Variants in CAND2 observed in about 807,000 individuals in gnomAD.
CAND2 encodes the protein cullin-associated NEDD8-dissociated protein 2.
Under a neutral mutation model 98.9 loss-of-function variants are expected in CAND2, and 62 were observed. That is an observed-to-expected ratio of 0.63 (90% CI 0.51 to 0.77). CAND2 has a LOEUF of 0.77. Among genes scored for constraint, CAND2 ranks in the 30% least tolerant of loss-of-function variants. The pLI is 0.00. For synonymous variants in CAND2, 770 were observed against 731.9 expected (o/e 1.05, Z -0.84); for missense variants, 1,501 against 1,655.2 (o/e 0.91, Z 1.62).
intron 2 of CAND2, among the ~76,000 whole-genome samples, 194 bp downstream of exon 2, chr3:12,803,825 C>T (rs2061785064): frequency 6.6e-6 from 1 of 152,042 alleles, no homozygotes; most frequent in Admixed American, 6.5e-5. Context: ...TTGGGAGGCG[C>T]TCCCAGGAAA....
At chr3:12,799,747 G>C (rs1391179308) in intron 1 of CAND2, among the ~76,000 whole-genome samples, 2 of 152,202 alleles carry the variant, frequency 1.3e-5, no homozygotes, top group African/African-American at 4.8e-5. Flanking sequence ...CTGGTGGCCA[G>C]ACTTGTATTG....
At position 12,810,333 on chromosome 3, in the gene CAND2, G is replaced by A. The variant is rs1458693469; in HGVS notation, c.757+9G>A. The A allele has an allele frequency of 7.0e-7, 1 of 1,438,184 alleles. No homozygotes were observed. The highest frequency in any genetic ancestry group is 9.1e-7 in the Non-Finnish European group (1 of 1,096,976). The allele number at this position is 1,438,184 out of a possible 1,614,324, so 89.1% of individuals were successfully genotyped here. A position where few individuals can be genotyped will look rare whatever the true frequency, so the allele number is the denominator to read the frequency against. On this transcript the variant is annotated intron_variant, in intron 5 of 14. Coordinates refer to ENST00000456430, the MANE Select transcript of CAND2 (RefSeq NM_001162499.2). Reference sequence around the variant, plus strand: ...GGCCGGCCACCGCCTCGGTAAGGGGGCAGGGGGCGGGGCCTGGGCTGGCAT... The same window carrying A: ...GGCCGGCCACCGCCTCGGTAAGGGGACAGGGGGCGGGGCCTGGGCTGGCAT...
Position 12,816,430 on chromosome 3 carries a change from C to G in CAND2, c.1498C>G (p.Leu500Val). 6.2e-7 allele frequency: 1 copy of G among 1,613,922 alleles called. No homozygotes were observed. The highest frequency in any genetic ancestry group is 8.5e-7 in the Non-Finnish European group (1 of 1,179,998). ...SSSSTIRMDA[L>V]AFLQGLLGTE... Reference sequence around the variant, plus strand: ...CTCCTCCACCATCCGGATGGATGCCCTGGCCTTCTTGCAGGGGCTGCTGGG... The same window carrying G: ...CTCCTCCACCATCCGGATGGATGCCGTGGCCTTCTTGCAGGGGCTGCTGGG... Residue 500 changes from leucine to valine, a missense_variant, in exon 10 of 15, where the codon CTG becomes GTG. By Grantham distance (32) the Leu-to-Val change is conservative (BLOSUM62 1). Coordinates refer to ENST00000456430, the MANE Select transcript of CAND2 (RefSeq NM_001162499.2).
chr3:12,803,309 A>T (rs1311921112), intron 1 of CAND2, among the ~76,000 whole-genome samples, 179 bp from the exon 2 acceptor site: 1 of 152,118 alleles, frequency 6.6e-6, no homozygotes, highest in Non-Finnish European at 1.5e-5. Context: ...TTATAATCTT[A>T]TGGGACAACC....
At chr3:12,827,719 G>C (rs1343851095) in intron 13 of CAND2, 115 bp downstream of exon 13, 1 of 1,001,130 alleles carries the variant, frequency 1.0e-6, no homozygotes, top group African/African-American at 1.6e-5. Flanking sequence ...AATGAAAATA[G>C]CTGCATTGTT....
Position 12,819,168 on chromosome 3 carries a change from G to T in CAND2, c.2945-918G>T, listed in dbSNP as rs567818651. ...AGTTCACTTAATCTTACTCTCTTGT[G>T]CCTGTCTTCATCAGCCACCCTAAAT... On this transcript the variant is annotated intron_variant, in intron 10 of 14. Transcript: ENST00000456430. Among the ~76,000 whole-genome samples, 54 of 152,348 alleles carry T rather than the reference G, an allele frequency of 3.5e-4. No homozygotes were observed. The East Asian group carries it at 0.01, about 28-fold the overall frequency.
rs1284181124 is a variant in CAND2 at position 12,833,766 on chromosome 3, T to G, written c.3495T>G (p.Gly1165=). 6.2e-7 allele frequency: 1 copy of G among 1,613,844 alleles called. No individual in the cohort carries two copies. The highest frequency in any genetic ancestry group is 2.2e-5 in the East Asian group (1 of 44,878). ...RATCTAKVKA[G]SVKQEFEKQD... is the part of the protein sequence containing the mutation. ...GTTTCCTACTTTAGGTCAAAGCTGG[T>G]TCTGTGAAGCAGGAGTTTGAAAAGC... The change falls in exon 15 of 15, where the codon GGT becomes GGG. Residue 1165 remains glycine, a synonymous_variant. Transcript: ENST00000456430.
At position 12,831,641 on chromosome 3, in the gene CAND2, TA is replaced by T; in HGVS notation, c.3483+70del. ...TGGAGTCCTCGGCCAGTCGTTCAGT[TA>T]CCCTTACTGAGCACTTCCTGCAGTG... On this transcript the variant is annotated intron_variant, in intron 14 of 14. Coordinates refer to ENST00000456430, the MANE Select transcript of CAND2 (RefSeq NM_001162499.2). 3.1e-6 allele frequency: 3 copies of T among 967,538 alleles called. No homozygotes were observed. The East Asian group carries it at 7.5e-5, about 24-fold the overall frequency. 59.9% of individuals were successfully genotyped at this position (967,538 alleles called of 1,614,324 possible). A position where few individuals can be genotyped will look rare whatever the true frequency, so the allele number is the denominator to read the frequency against.
In CAND2 at chr3:12,827,605, G is replaced by C. The variant is rs746385142; in HGVS notation, c.3375+1G>C. On this transcript the variant is annotated splice_donor_variant, in intron 13 of 14. Coordinates refer to ENST00000456430, the MANE Select transcript of CAND2 (RefSeq NM_001162499.2). LOFTEE classifies it high-confidence loss of function. ...GCTGAAGGACCACTACGACATCCGGGTAAGACCAAGCCCCCTGCCAGATCT... is the reference window on the plus strand; with the variant it reads ...GCTGAAGGACCACTACGACATCCGGCTAAGACCAAGCCCCCTGCCAGATCT... The C allele has an allele frequency of 6.2e-7, 1 of 1,605,864 alleles. No homozygotes were observed. Among genetic ancestry groups the C allele is most frequent in the South Asian group, 1.1e-5 (1 of 89,952 alleles).
chr3:12,823,341 A>G (rs2061973486), intron 11 of CAND2, among the ~76,000 whole-genome samples: 1 of 151,982 alleles, frequency 6.6e-6, no homozygotes, highest in African/African-American at 2.4e-5. Flanking sequence ...CTGTAATCCC[A>G]GCACTTTGGG....
chr3:12,807,355 G>C lies in CAND2; in HGVS notation c.262G>C (p.Val88Leu), dbSNP rs1168063367. The part of the protein sequence containing the change: ...KVKEYQVETI[V>L]DTLCTNMRSD... ...GAAGGAGTACCAGGTGGAGACCATT[G>C]TGGACACCCTGTGCACCAACATGCG... is the stretch of plus-strand genomic sequence containing the variant. The change falls in exon 3 of 15, where the codon GTG becomes CTG. Residue 88 changes from valine (V) to leucine (L), a missense_variant. Physicochemically the swap from Val to Leu is conservative, Grantham distance 32. Transcript: ENST00000456430. 3 of 1,551,684 alleles carry C rather than the reference G, an allele frequency of 1.9e-6. No homozygotes were observed. Among genetic ancestry groups the C allele is most frequent in the Non-Finnish European group, 2.6e-6 (3 of 1,146,978 alleles).
At chr3:12,821,355 GTA>G (rs1559556473) in intron 11 of CAND2, among the ~76,000 whole-genome samples, 1 of 152,092 alleles carries the variant, frequency 6.6e-6, no homozygotes, top group Non-Finnish European at 1.5e-5. Flanking sequence ...AGCCAAGATC[GTA>G]CCATTGCACT....
intron 11 of CAND2, among the ~76,000 whole-genome samples, chr3:12,823,287 G>GTTT (rs55809732): frequency 0.021 from 3,126 of 151,504 alleles, 99 homozygotes; most frequent in African/African-American, 0.069. Flanking sequence ...AGTTTTTGTT[G>GTTT]GTTTGTTTTT....
chr3:12,820,007 G>T, intron 10 of CAND2, 79 bp from the exon 11 acceptor site: 1 of 1,109,464 alleles, frequency 9.0e-7, no homozygotes, highest in Non-Finnish European at 1.4e-6. Flanking sequence ...GCAGGGGGAG[G>T]AGCCTAAGCA....
chr3:12,823,467 G>A (rs369516461), intron 11 of CAND2, among the ~76,000 whole-genome samples: 125 of 151,756 alleles, frequency 8.2e-4, no homozygotes, highest in African/African-American at 2.7e-3. Context: ...GGTGGCTCAC[G>A]CCTGTAATCC....
intron 2 of CAND2, among the ~76,000 whole-genome samples, chr3:12,805,285 T>C (rs968142715): frequency 1.5e-4 from 22 of 151,710 alleles, no homozygotes; most frequent in African/African-American, 4.4e-4. Context: ...TTCTTTTTTT[T>C]TTCTTCTTTT....
chr3:12,823,717 G>A (rs540724922), intron 11 of CAND2, among the ~76,000 whole-genome samples: 69 of 139,662 alleles, frequency 4.9e-4, no homozygotes, highest in Non-Finnish European at 8.2e-4. Context: ...GCGACAGAGC[G>A]AGACTCCATC....
At chr3:12,831,652 A>AACGACTG in intron 14 of CAND2, 80 bp downstream of exon 14, 1 of 843,214 alleles carries the variant, frequency 1.2e-6, no homozygotes, top group Non-Finnish European at 1.9e-6. Flanking sequence ...ACCCTTACTG[A>AACGACTG]GCACTTCCTG....
chr3:12,815,270 C>G lies in CAND2; in HGVS notation c.1136C>G (p.Pro379Arg). Residue 379 changes from proline (P) to arginine (R), a missense_variant, in exon 8 of 15, where the codon CCT (proline) becomes CGT (arginine). This residue lies in a region of CAND2 where 1,427 missense variants were observed against 1,545.3 expected (regional missense o/e 0.92). Transcript: ENST00000456430. This position sits in a 1 kb window ranked among gnomAD's most constrained non-coding sequence, Gnocchi z 5.7. ...LLPDFHCTLAPVLIRRFKERE... is the reference protein window; with the variant it reads ...LLPDFHCTLARVLIRRFKERE... ...CCCGATTTCCACTGCACCCTGGCAC[C>G]TGTGCTCATCCGCCGCTTCAAAGAA... 2 of 1,613,972 alleles carry G rather than the reference C, an allele frequency of 1.2e-6. No homozygotes were observed. The highest frequency in any genetic ancestry group is 1.7e-6 in the Non-Finnish European group (2 of 1,180,050).
Sources: gnomAD v4.1 joint callset for allele counts (sites outside exome capture counted in the v4.1 genomes callset) on GRCh38, gnomAD v4.1.1 for gene constraint, gnomAD v4.1.1 regional missense constraint, Gnocchi (gnomAD v3.1) non-coding constraint, MANE v1.5 for transcripts, NCBI Gene and HGNC (gene_info 2026-07-23, HGNC 2026-07-21) for gene names.